TACC2: variants seen among roughly 807,000 people sequenced by gnomAD.
The protein encoded by TACC2 is transforming acidic coiled-coil-containing protein 2.
In TACC2, 137 loss-of-function variants were observed where a neutral mutation model predicts 227.3. The ratio of observed to expected loss-of-function variants is 0.60; its 90% CI spans 0.52 to 0.69. The LOEUF (loss-of-function observed/expected upper bound fraction) is 0.69, where lower values mean the gene tolerates loss of function less well. TACC2 is among the 30% of genes least tolerant of loss of function. The pLI is 0.00. For synonymous variants in TACC2, 1,523 were observed against 1,487.5 expected (o/e 1.02, Z -0.55); for missense variants, 3,470 against 3,694.4 (o/e 0.94, Z 1.57).
Position 122,087,531 on chromosome 10 carries a change from C to T in TACC2, c.5031C>T (p.Asn1677=), listed in dbSNP as rs369479336. ...TGGAAATGCGAAATGCCCTGGGCAA[C>T]CAGAGCACCCCTGCACCACCAACTG... The part of the protein sequence containing the change: ...GILEMRNALG[N]QSTPAPPTGE... The change falls in exon 4 of 23, where the codon AAC becomes AAT. Residue 1677 remains asparagine (N), a synonymous_variant. Coordinates refer to ENST00000369005, the MANE Select transcript of TACC2 (RefSeq NM_206862.4). 11 of 1,613,786 alleles carry T rather than the reference C, an allele frequency of 6.8e-6. No individual in the cohort carries two copies. Among genetic ancestry groups the T allele is most frequent in the African/African-American group, 1.3e-5 (1 of 74,936 alleles).
chr10:122,229,415 T>C lies in TACC2; in HGVS notation c.7966T>C (p.Cys2656Arg). Residue 2656 changes from cysteine (C) to arginine (R), a missense_variant, in exon 15 of 23, where the codon TGT becomes CGT. By Grantham distance (180) the Cys-to-Arg change is radical (BLOSUM62 -3). Coordinates refer to ENST00000369005, the MANE Select transcript of TACC2 (RefSeq NM_206862.4). ...LSRLAHPVSL[C>R]GALDYLEPDL... ...CAGGCTAGCTCACCCCGTCTCTCTC[T>C]GTGGTGCACTTGACTATCTGGAGCC... is the stretch of plus-strand genomic sequence containing the variant. 6.2e-7 allele frequency: 1 copy of C among 1,613,250 alleles called. No homozygotes were observed. The highest frequency in any genetic ancestry group is 8.5e-7 in the Non-Finnish European group (1 of 1,179,238).
At chr10:122,104,986 T>C (rs1050849274) in intron 5 of TACC2, among the ~76,000 whole-genome samples, 1 of 152,220 alleles carries the variant, frequency 6.6e-6, no homozygotes, top group Non-Finnish European at 1.5e-5. Context: ...CCTAGTGCTT[T>C]GCACAGGGCC....
chr10:122,117,133 C>T (rs2084844045), intron 5 of TACC2, among the ~76,000 whole-genome samples: 1 of 151,946 alleles, frequency 6.6e-6, no homozygotes, highest in African/African-American at 2.4e-5. Flanking sequence ...CCTCAAATCT[C>T]AGGGCCGCAG....
intron 5 of TACC2, among the ~76,000 whole-genome samples, chr10:122,110,399 C>T (rs2083450177): frequency 2.6e-5 from 4 of 152,162 alleles, no homozygotes; most frequent in East Asian, 3.8e-4. Context: ...GATTTCTGGT[C>T]GTGGCTAGGA....
rs140792409 is a variant in TACC2, at chr10:122,139,026, G to C, written c.5700-4546G>C. 1.9e-3 allele frequency among the ~76,000 whole-genome samples: 284 copies of C among 152,354 alleles called. 1 individual carries two copies. Among genetic ancestry groups the C allele is most frequent in the African/African-American group, 6.4e-3 (265 of 41,596 alleles). ...AGGAAATCTTGCCCCTGGGCCCGCA[G>C]AGCTGCTGGTGATGACCAGGCGTGG... On this transcript the variant is annotated intron_variant, in intron 6 of 22. Transcript: ENST00000369005.
At chr10:122,112,862 T>C (rs1389349207) in intron 5 of TACC2, among the ~76,000 whole-genome samples, 3 of 151,988 alleles carry the variant, frequency 2.0e-5, no homozygotes, top group East Asian at 3.9e-4. Flanking sequence ...CCTCGGTGCG[T>C]CTGGGCGCGC....
At chr10:122,177,381 G>A (rs10788258) in intron 7 of TACC2, among the ~76,000 whole-genome samples, 5,990 of 152,256 alleles carry the variant, frequency 0.039, 390 homozygotes, top group East Asian at 0.31. Flanking sequence ...AGATGTTTGT[G>A]CACAGGGCCT....
At chr10:122,115,271 AGTGTGTGTGTGTGTGTGT>A (rs1180604805) in intron 5 of TACC2, among the ~76,000 whole-genome samples, 12,850 of 60,526 alleles carry the variant, frequency 0.21, 881 homozygotes, top group Admixed American at 0.3. Context: ...TAGGTAGGTG[AGTGTGTGTGTGTGTGTGT>A]GTGTGTGTGT....
At chr10:122,227,702 C>G (rs2095656257) in intron 13 of TACC2, 135 bp from the exon 14 acceptor site, 2 of 955,674 alleles carry the variant, frequency 2.1e-6, no homozygotes, top group South Asian at 3.3e-5. Context: ...GGCTGCATGG[C>G]CACTGGAGAC....
chr10:122,088,279 A>G (rs1465091776), intron 4 of TACC2, among the ~76,000 whole-genome samples, 199 bp from the exon 5 acceptor site: 3 of 152,046 alleles, frequency 2.0e-5, no homozygotes, highest in Non-Finnish European at 2.9e-5. Context: ...ATAGTCAGTC[A>G]TATATTTTTC....
rs369097040 is a variant in TACC2, at chr10:122,189,131, G to A, written c.5835-5909G>A. Among the ~76,000 whole-genome samples the A allele has an allele frequency of 1.2e-4, 18 of 152,206 alleles. No individual in the cohort carries two copies. The East Asian group carries it at 2.7e-3, about 23-fold the overall frequency. ...TTGTCAGCCCTTAAAAAAAATGACCGGTCTGATCATACTGTTTTATGCCAG... is the reference window on the plus strand; with the variant it reads ...TTGTCAGCCCTTAAAAAAAATGACCAGTCTGATCATACTGTTTTATGCCAG... On this transcript the variant is annotated intron_variant, in intron 7 of 22. Transcript: ENST00000369005.
chr10:122,043,491 C>G (rs2074568120), intron 2 of TACC2, among the ~76,000 whole-genome samples: 1 of 148,802 alleles, frequency 6.7e-6, no homozygotes, highest in African/African-American at 2.5e-5. Context: ...CTTTCTTTTT[C>G]TTTCTTTCTT....
rs114249776 is a variant in TACC2, at chr10:122,227,983, G to A, written c.7871G>A (p.Gly2624Asp). The A allele has an allele frequency of 7.7e-5, 125 of 1,613,828 alleles. No homozygotes were observed. The African/African-American group carries it at 1.5e-3, about 19-fold the overall frequency. The change falls in exon 14 of 23, where the codon GGC (glycine) becomes GAC (aspartate). Residue 2624 changes from glycine to aspartate, a missense_variant. By Grantham distance (94) the Gly-to-Asp change is moderately conservative (BLOSUM62 -1). Transcript: ENST00000369005. Reference protein sequence around the residue: ...SQKELEAMGLGTPSEAIEITA... With the variant: ...SQKELEAMGLDTPSEAIEITA... ...AAGGAGCTGGAGGCCATGGGCTTGGGCACCCCTTCAGAAGCGATTGAAATT... is the reference window on the plus strand; with the variant it reads ...AAGGAGCTGGAGGCCATGGGCTTGGACACCCCTTCAGAAGCGATTGAAATT...
rs2088595757 is a variant in TACC2 at position 122,132,732 on chromosome 10, G to A, written c.5697G>A (p.Gln1899=). The change falls in exon 6 of 23, where the codon CAG becomes CAA. Residue 1899 remains glutamine (Q), a splice_region_variant and synonymous_variant. Coordinates refer to ENST00000369005, the MANE Select transcript of TACC2 (RefSeq NM_206862.4). ...VGQVSTDLIA[Q]SISPAAAHAG... is the part of the protein sequence containing the mutation. ...AGGTCTCTACGGATCTGATAGCCCA[G>A]AGGTACGGTGGGGGCCCTGGAGCTG... The A allele has an allele frequency of 1.2e-6, 2 of 1,614,152 alleles. No homozygotes were observed. The highest frequency in any genetic ancestry group is 1.7e-5 in the Admixed American group (1 of 60,022).
chr10:122,078,016 G>A (rs979327970), intron 3 of TACC2, among the ~76,000 whole-genome samples: 4 of 151,916 alleles, frequency 2.6e-5, no homozygotes, highest in African/African-American at 9.7e-5. Flanking sequence ...CCAATATGGT[G>A]AAATCCCATC....
At position 122,087,557 on chromosome 10, in the gene TACC2, G is replaced by T; in HGVS notation, c.5057G>T (p.Gly1686Val). Residue 1686 changes from glycine to valine, a missense_variant, in exon 4 of 23, where the codon GGA becomes GTA. Physicochemically the swap from Gly to Val is moderately radical, Grantham distance 109 (BLOSUM62 -3). Around this residue, in one of 10 missense-constraint regions of TACC2, gnomAD observed 1,924 missense variants for 1,978.3 expected, o/e 0.97. Transcript: ENST00000369005. ...GNQSTPAPPT[G>V]EVADTPLEPG... ...CAGAGCACCCCTGCACCACCAACTG[G>T]AGAAGTGGCAGACACTCCCCTGGAG... is the stretch of plus-strand genomic sequence containing the variant. 6.2e-7 allele frequency: 1 copy of T among 1,613,804 alleles called. No individual in the cohort carries two copies. The highest frequency in any genetic ancestry group is 8.5e-7 in the Non-Finnish European group (1 of 1,180,038).
intron 5 of TACC2, among the ~76,000 whole-genome samples, chr10:122,106,672 T>C (rs2082841808): frequency 6.6e-6 from 1 of 152,216 alleles, no homozygotes; most frequent in Admixed American, 6.5e-5. Context: ...TCTGAAGCCT[T>C]AGGTTTAGTA....
intron 1 of TACC2, among the ~76,000 whole-genome samples, chr10:121,997,529 G>A (rs1953686457): frequency 6.6e-6 from 1 of 152,182 alleles, no homozygotes; most frequent in Non-Finnish European, 1.5e-5. Context: ...GAGGTGGGTT[G>A]ATGTGGTGGG....
rs1382193243 is a variant in TACC2 at position 122,227,932 on chromosome 10, TGCA to T, written c.7822_7824del (p.Gln2608del). 1 of 1,614,082 alleles carries T rather than the reference TGCA, an allele frequency of 6.2e-7. No homozygotes were observed. The highest frequency in any genetic ancestry group is 1.3e-5 in the African/African-American group (1 of 74,930). ...CTGGCCCCTAACCAAGAGTCACACTTGCAGGTGCCAGAGAAATCCTCCCAGAAG... is the reference window on the plus strand; with the variant it reads ...CTGGCCCCTAACCAAGAGTCACACTTGGTGCCAGAGAAATCCTCCCAGAAG... On this transcript the variant is annotated inframe_deletion, in exon 14 of 23. Coordinates refer to ENST00000369005, the MANE Select transcript of TACC2 (RefSeq NM_206862.4).
Sources: gnomAD v4.1 joint callset for allele counts (sites outside exome capture counted in the v4.1 genomes callset) on GRCh38, gnomAD v4.1.1 for gene constraint, gnomAD v4.1.1 regional missense constraint, MANE v1.5 for transcripts, NCBI Gene and HGNC (gene_info 2026-07-23, HGNC 2026-07-21) for gene names.